SERPINB8: variants seen among roughly 807,000 people sequenced by gnomAD.
SERPINB8 encodes the protein serpin family B member 8.
A neutral mutation model predicts 35.3 loss-of-function variants in SERPINB8; 25 were observed. The observed-to-expected ratio is 0.71, with a 90% CI of 0.52 to 0.99. SERPINB8 has a LOEUF of 0.99. Ranked by LOEUF, SERPINB8 falls within the 50% of genes least tolerant of loss-of-function variation. SERPINB8 has a pLI of 0.00. For synonymous variants in SERPINB8, 186 were observed against 160.8 expected (o/e 1.16, Z -1.19); for missense variants, 484 against 446.5 (o/e 1.08, Z -0.76).
intron 7 of SERPINB8, among the ~76,000 whole-genome samples, chr18:64,012,462 T>A (rs2050929937): frequency 6.6e-6 from 1 of 152,178 alleles, no homozygotes; most frequent in South Asian, 2.1e-4. Flanking sequence ...CTGAGATATT[T>A]TCTGAACTTT....
chr18:63,997,785 C>A (rs372935769), intron 1 of SERPINB8, among the ~76,000 whole-genome samples: 1 of 152,162 alleles, frequency 6.6e-6, no homozygotes, highest in Non-Finnish European at 1.5e-5. Context: ...ATGAGACATT[C>A]GGATAAAATT....
chr18:63,983,771 C>A (rs759446134), intron 5 of SERPINB8, 50 bp downstream of exon 5: 10 of 1,283,560 alleles, frequency 7.8e-6, no homozygotes, highest in Non-Finnish European at 1.1e-5. Flanking sequence ...AGTAATATTA[C>A]AGGAAATATT....
chr18:63,985,293 T>C (rs748145389), intron 6 of SERPINB8, 48 bp downstream of exon 6: 2 of 1,596,162 alleles, frequency 1.3e-6, no homozygotes, highest in South Asian at 2.2e-5. Context: ...CCAGCTGAGC[T>C]CATTTCTTTA....
chr18:63,995,670 G>A lies in SERPINB8; in HGVS notation c.71-9149G>A, dbSNP rs746457996. Among the ~76,000 whole-genome samples, 7 of 152,130 alleles carry A rather than the reference G, an allele frequency of 4.6e-5. 1 individual carries two copies. The highest frequency in any genetic ancestry group is 1.7e-4 in the African/African-American group (7 of 41,420). On this transcript the variant is annotated intron_variant, in intron 1 of 1. Coordinates refer to the SERPINB8 transcript ENST00000493661. ...GCTGTGAGTGTACCCAATTACTGTCGCCTAGGCCATTGTATCCCCACCTGC... is the reference window on the plus strand; with the variant it reads ...GCTGTGAGTGTACCCAATTACTGTCACCTAGGCCATTGTATCCCCACCTGC...
At chr18:64,016,982 C>T (rs182652608) in intron 7 of SERPINB8, among the ~76,000 whole-genome samples, 1 of 152,328 alleles carries the variant, frequency 6.6e-6, no homozygotes, top group East Asian at 1.9e-4. Flanking sequence ...ATTTCCACCT[C>T]TCTGGTGTTC....
chr18:63,978,342 G>C lies in SERPINB8; in HGVS notation c.34G>C (p.Ala12Pro). The C allele has an allele frequency of 6.2e-7, 1 of 1,614,126 alleles. No individual in the cohort carries two copies. The highest frequency in any genetic ancestry group is 8.5e-7 in the Non-Finnish European group (1 of 1,180,018). The change falls in exon 2 of 7, where the codon GCC becomes CCC. Residue 12 changes from alanine to proline, a missense_variant. Physicochemically the swap from Ala to Pro is conservative, Grantham distance 27. Transcript: ENST00000397985. ...CCTCTGTGAAGCAAATGGCACTTTT[G>C]CCATCAGCTTATTTAAAATATTGGG... Reference protein sequence around the residue: ...DDLCEANGTFAISLFKILGEE... With the variant: ...DDLCEANGTFPISLFKILGEE...
At position 63,985,252 on chromosome 18, in the gene SERPINB8, T is replaced by G; in HGVS notation, c.720+7T>G. On this transcript the variant is annotated splice_region_variant and intron_variant, in intron 6 of 6. Coordinates refer to ENST00000397985, the MANE Select transcript of SERPINB8 (RefSeq NM_002640.4). ...CAACACGGACCTCGCCGTGGTAAGC[T>G]CCAGGCAATGAGCCTGAGTATCTGT... 1 of 1,613,926 alleles carries G rather than the reference T, an allele frequency of 6.2e-7. No individual in the cohort carries two copies. Among genetic ancestry groups the G allele is most frequent in the Non-Finnish European group, 8.5e-7 (1 of 1,179,934 alleles).
downstream of SERPINB8, chr18:63,989,464 CT>C (rs2050808682): frequency 6.6e-6 from 1 of 152,120 alleles, no homozygotes; most frequent in Non-Finnish European, 1.5e-5. Context: ...GTAAGTTTAA[CT>C]TTTTAAGGAT....
At chr18:63,986,338 T>G (rs1599152061) in intron 6 of SERPINB8, 1 of 1,601,502 alleles carries the variant, frequency 6.2e-7, no homozygotes, top group East Asian at 2.3e-5. Flanking sequence ...GAAGTCTTCT[T>G]GCATTCCCCA....
downstream of SERPINB8, among the ~76,000 whole-genome samples, chr18:64,009,814 C>A (rs10048273): frequency 0.61 from 92,953 of 151,960 alleles, 28,567 homozygotes; most frequent in East Asian, 0.69. Context: ...AATAAGTTAA[C>A]TGTTGAAAAA....
At chr18:64,013,217 G>A (rs2050933979) in intron 7 of SERPINB8, among the ~76,000 whole-genome samples, 3 of 151,604 alleles carry the variant, frequency 2.0e-5, no homozygotes, top group Admixed American at 6.6e-5. Context: ...TGGCTCATGA[G>A]CCTCTCTGAG....
chr18:63,984,951 A>G, intron 5 of SERPINB8, 142 bp from the exon 6 acceptor site: 2 of 718,148 alleles, frequency 2.8e-6, no homozygotes, highest in South Asian at 2.1e-5. Context: ...ACTAAGATGT[A>G]CTAATGAAGA....
intron 1 of SERPINB8, among the ~76,000 whole-genome samples, chr18:63,997,512 G>C (rs1007965112): frequency 7.9e-5 from 12 of 152,206 alleles, no homozygotes; most frequent in African/African-American, 2.9e-4. Flanking sequence ...ACATAAGCCT[G>C]GTTCACTGAC....
intron 3 of SERPINB8, among the ~76,000 whole-genome samples, chr18:63,980,688 C>A (rs1173982317): frequency 1.3e-5 from 2 of 152,202 alleles, no homozygotes; most frequent in Non-Finnish European, 2.9e-5. Flanking sequence ...CCTGATGAAT[C>A]CATTTCATTT....
chr18:63,995,958 A>G (rs1441746826), intron 1 of SERPINB8, among the ~76,000 whole-genome samples: 1 of 152,178 alleles, frequency 6.6e-6, no homozygotes, highest in African/African-American at 2.4e-5. Context: ...AGGGAGAAGT[A>G]AGGAAGAGGA....
chr18:63,993,760 T>TG (rs1261671787), downstream of SERPINB8, among the ~76,000 whole-genome samples: 7 of 151,748 alleles, frequency 4.6e-5, no homozygotes, highest in Admixed American at 3.9e-4. Context: ...ATGGGGGAGG[T>TG]GGGGGGAAGC....
chr18:64,000,117 C>T (rs1235091602), intron 1 of SERPINB8, among the ~76,000 whole-genome samples: 1 of 152,204 alleles, frequency 6.6e-6, no homozygotes, highest in Non-Finnish European at 1.5e-5. Context: ...GCACCTGGAT[C>T]AATGAATCTG....
downstream of SERPINB8, among the ~76,000 whole-genome samples, chr18:63,989,550 C>T (rs761146070): frequency 6.6e-6 from 1 of 152,134 alleles, no homozygotes; most frequent in Non-Finnish European, 1.5e-5. Flanking sequence ...TGGTTTTTCT[C>T]TCTTCTCACC....
chr18:64,017,524 C>G (rs917936441), intron 7 of SERPINB8, among the ~76,000 whole-genome samples: 2 of 152,120 alleles, frequency 1.3e-5, no homozygotes, highest in Admixed American at 6.5e-5. Flanking sequence ...TTCTACAATG[C>G]TAGGCACTGT....
Sources: allele counts gnomAD v4.1 joint callset (sites outside exome capture counted in the v4.1 genomes callset), GRCh38; gene constraint gnomAD v4.1.1; transcripts MANE v1.5; gene names NCBI Gene and HGNC (gene_info 2026-07-23, HGNC 2026-07-21).